Variants in NXPH1 observed in about 807,000 individuals in gnomAD.
The protein encoded by NXPH1 is neurexophilin-1.
Under a neutral mutation model 23.7 loss-of-function variants are expected in NXPH1, and 5 were observed. That is an observed-to-expected ratio of 0.21 (90% confidence interval 0.11 to 0.44). The LOEUF (loss-of-function observed/expected upper bound fraction) is 0.44. NXPH1 is among the 20% of genes least tolerant of loss of function. The pLI, the probability that NXPH1 is intolerant of heterozygous loss-of-function variation, is 0.99. For synonymous variants in NXPH1, 144 were observed against 122.2 expected, an observed-to-expected ratio of 1.18 and a Z score of -1.18; for missense variants, 324 against 321.6, an observed-to-expected ratio of 1.01 and a Z score of -0.06.
intron 2 of NXPH1, among the ~76,000 whole-genome samples, chr7:8,478,062 T>A (rs1398644600): frequency 6.6e-6 from 1 of 152,126 alleles, no homozygotes; most frequent in African/African-American, 2.4e-5. Flanking sequence ...AATAAAAAGA[T>A]GAATGCATGA....
chr7:8,667,596 C>T (rs1395884177), intron 2 of NXPH1, among the ~76,000 whole-genome samples: 2 of 151,698 alleles, frequency 1.3e-5, no homozygotes, highest in East Asian at 3.9e-4. Context: ...TGCATCCTTT[C>T]TCTTGCTGCT....
rs185028346 is a variant in NXPH1, at chr7:8,666,697, A to G, written c.55-84311A>G. ...TAGAAGACTTTTTATTGCTTATGTA[A>G]TTTCCTTACTCGTTATTGGTATGTT... On this transcript the variant is annotated intron_variant, in intron 2 of 2. Transcript: ENST00000405863. Among the ~76,000 whole-genome samples the G allele has an allele frequency of 1.6e-4, 25 of 152,016 alleles. No homozygotes were observed. The East Asian group carries it at 4.8e-3, about 29-fold the overall frequency.
intron 2 of NXPH1, among the ~76,000 whole-genome samples, chr7:8,582,092 G>A (rs1049966326): frequency 3.9e-5 from 6 of 152,184 alleles, no homozygotes; most frequent in Non-Finnish European, 7.3e-5. Flanking sequence ...ACAGGTGCTG[G>A]CTCTGTGACA....
At chr7:8,501,974 A>T (rs1329234906) in intron 2 of NXPH1, among the ~76,000 whole-genome samples, 1 of 152,076 alleles carries the variant, frequency 6.6e-6, no homozygotes, top group Admixed American at 6.6e-5. Context: ...AATTAATCTG[A>T]GATGTCATCT....
intron 2 of NXPH1, among the ~76,000 whole-genome samples, chr7:8,736,126 C>G (rs531759596): frequency 1.3e-5 from 2 of 152,250 alleles, no homozygotes; most frequent in South Asian, 4.1e-4. Context: ...GTCTCTATCT[C>G]CTTCAGTTCT....
At chr7:8,684,609 C>G (rs975665595) in intron 2 of NXPH1, among the ~76,000 whole-genome samples, 8 of 152,162 alleles carry the variant, frequency 5.3e-5, no homozygotes, top group Non-Finnish European at 7.3e-5. Context: ...ACTTACAGAA[C>G]AGTAACTGCA....
chr7:8,488,238 T>TCTTACATATTAC (rs1817190924), intron 2 of NXPH1, among the ~76,000 whole-genome samples: 5 of 147,782 alleles, frequency 3.4e-5, no homozygotes, highest in Admixed American at 6.7e-5. Flanking sequence ...ACACATACTA[T>TCTTACATATTAC]ATCTTACATA....
intron 2 of NXPH1, among the ~76,000 whole-genome samples, chr7:8,452,749 T>C (rs1359501811): frequency 6.6e-6 from 1 of 152,124 alleles, no homozygotes; most frequent in African/African-American, 2.4e-5. Flanking sequence ...CTAAATTTCT[T>C]AGGATTATAG....
intron 2 of NXPH1, among the ~76,000 whole-genome samples, chr7:8,544,725 T>C (rs1038220605): frequency 1.3e-5 from 2 of 151,616 alleles, no homozygotes; most frequent in Non-Finnish European, 3.0e-5. Context: ...AGTAGAGCAT[T>C]ATGTTATGGT....
intron 2 of NXPH1, among the ~76,000 whole-genome samples, chr7:8,466,880 A>G (rs570453700): frequency 6.6e-6 from 1 of 152,220 alleles, no homozygotes; most frequent in African/African-American, 2.4e-5. Flanking sequence ...CACAGGGTCT[A>G]GAGTCATTAG....
Position 8,481,313 on chromosome 7 carries a change from T to C in NXPH1, c.54+45546T>C, listed in dbSNP as rs558810620. 7.2e-5 allele frequency among the ~76,000 whole-genome samples: 11 copies of C among 152,312 alleles called. No individual in the cohort carries two copies. In the East Asian group the frequency reaches 1.7e-3, roughly 24 times the overall value. The stretch of plus-strand genomic sequence containing the variant: ...GAGGCCATAGTGCATATTTCAGAGA[T>C]ACCTACGCAGAGATGTCATTTATCT... On this transcript the variant is annotated intron_variant, in intron 2 of 2. Coordinates refer to ENST00000405863, the MANE Select transcript of NXPH1 (RefSeq NM_152745.3).
intron 2 of NXPH1, among the ~76,000 whole-genome samples, chr7:8,727,555 T>C (rs1311739526): frequency 2.0e-5 from 3 of 152,116 alleles, no homozygotes; most frequent in Non-Finnish European, 4.4e-5. Context: ...TTTCTACATA[T>C]TGCTAGCCAG....
intron 2 of NXPH1, among the ~76,000 whole-genome samples, chr7:8,674,193 A>G (rs557546777): frequency 0.039 from 5,701 of 145,416 alleles, 256 homozygotes; most frequent in African/African-American, 0.11. Flanking sequence ...ACACACACAC[A>G]CACACACACA....
chr7:8,578,219 T>A (rs1464500157), intron 2 of NXPH1, among the ~76,000 whole-genome samples: 4 of 152,204 alleles, frequency 2.6e-5, no homozygotes, highest in Non-Finnish European at 5.9e-5. Flanking sequence ...TACAAAGGGC[T>A]TTCATCCTGA....
At chr7:8,744,476 C>G (rs1429499343) in intron 2 of NXPH1, among the ~76,000 whole-genome samples, 1 of 152,114 alleles carries the variant, frequency 6.6e-6, no homozygotes, top group African/African-American at 2.4e-5. Context: ...GATCAACTGG[C>G]TCCTCTTCTG....
intron 2 of NXPH1, among the ~76,000 whole-genome samples, chr7:8,585,927 C>T (rs181513579): frequency 6.6e-6 from 1 of 152,122 alleles, no homozygotes; most frequent in Non-Finnish European, 1.5e-5. Flanking sequence ...GGCTAGAACC[C>T]TAGAACTGTT....
chr7:8,458,543 T>G (rs1816638459), intron 2 of NXPH1, among the ~76,000 whole-genome samples: 1 of 152,176 alleles, frequency 6.6e-6, no homozygotes. Flanking sequence ...AGTGACTAAT[T>G]CAAGATCACA....
At chr7:8,736,547 A>C (rs545790701) in intron 2 of NXPH1, among the ~76,000 whole-genome samples, 5 of 152,308 alleles carry the variant, frequency 3.3e-5, no homozygotes, top group African/African-American at 1.2e-4. Context: ...TTTTACTTTC[A>C]ATTATGTAGT....
intron 2 of NXPH1, among the ~76,000 whole-genome samples, chr7:8,657,542 C>G (rs7802254): frequency 0.72 from 109,022 of 152,022 alleles, 39,700 homozygotes; most frequent in East Asian, 1. Flanking sequence ...TTGGGAAAAG[C>G]AACCAGCATC....
Sources: allele counts gnomAD v4.1 joint callset (sites outside exome capture counted in the v4.1 genomes callset), GRCh38; gene constraint gnomAD v4.1.1; transcripts MANE v1.5; gene names NCBI Gene and HGNC (gene_info 2026-07-23, HGNC 2026-07-21).